Variants in OR1B1 observed in about 807,000 individuals in gnomAD.
The protein encoded by OR1B1 is olfactory receptor 1B1.
For synonymous variants in OR1B1, 168 were observed against 156.2 expected (o/e 1.08, Z -0.57); for missense variants, 414 against 402.1 (o/e 1.03, Z -0.25).
chr9:122,639,161 C>T, the OR1B1 span, among the ~76,000 whole-genome samples: 5 of 152,062 alleles, frequency 3.3e-5, no homozygotes, highest in African/African-American at 9.7e-5. Flanking sequence ...CTTAGGGTAA[C>T]CAACCTTTAG....
the OR1B1 span, among the ~76,000 whole-genome samples, chr9:122,644,351 G>A: frequency 6.6e-6 from 1 of 152,236 alleles, no homozygotes; most frequent in Non-Finnish European, 1.5e-5. Flanking sequence ...GGTAGTGGTG[G>A]CCACAGGAAG....
At chr9:122,628,902 G>A (rs761446363) in exon 1 of OR1B1, 2 of 1,614,152 alleles carry the variant, frequency 1.2e-6, no homozygotes, top group South Asian at 2.2e-5. Context: ...CCCAGCATAA[G>A]GAAGCCACCC....
chr9:122,638,871 G>A, the OR1B1 span, among the ~76,000 whole-genome samples: 7 of 152,128 alleles, frequency 4.6e-5, no homozygotes, highest in Admixed American at 1.3e-4. Flanking sequence ...ACAGAGCTCC[G>A]GAATAGAAGG....
chr9:122,646,785 G>A, the OR1B1 span, among the ~76,000 whole-genome samples: 1 of 152,154 alleles, frequency 6.6e-6, no homozygotes, highest in South Asian at 2.1e-4. Flanking sequence ...TCAGCACACC[G>A]CTATAATTGT....
the OR1B1 span, among the ~76,000 whole-genome samples, chr9:122,655,507 AG>A: frequency 6.6e-6 from 1 of 152,204 alleles, no homozygotes. Flanking sequence ...AGCCATAAAA[AG>A]GAATGAGAAT....
At chr9:122,634,127 G>A (rs929798673), upstream of OR1B1, among the ~76,000 whole-genome samples, 14 of 151,748 alleles carry the variant, frequency 9.2e-5, no homozygotes, top group African/African-American at 2.7e-4. Flanking sequence ...ACCTGAAGTC[G>A]GGAGTTTGAG....
the OR1B1 span, among the ~76,000 whole-genome samples, chr9:122,640,723 A>C: frequency 6.6e-6 from 1 of 152,218 alleles, no homozygotes; most frequent in African/African-American, 2.4e-5. Flanking sequence ...AGAAGAGAGA[A>C]GAGAAGGCAT....
chr9:122,653,764 G>C, the OR1B1 span, among the ~76,000 whole-genome samples: 1 of 152,158 alleles, frequency 6.6e-6, no homozygotes, highest in African/African-American at 2.4e-5. Flanking sequence ...GGGGTTTTAA[G>C]TGGTAAGGAT....
chr9:122,655,635 C>T, the OR1B1 span, among the ~76,000 whole-genome samples: 13 of 125,556 alleles, frequency 1.0e-4, no homozygotes, highest in African/African-American at 3.8e-4. Flanking sequence ...TGGGAGCTGG[C>T]AATGAGAACA....
the OR1B1 span, among the ~76,000 whole-genome samples, chr9:122,655,909 C>T: frequency 1.3e-5 from 2 of 151,672 alleles, no homozygotes; most frequent in Non-Finnish European, 2.9e-5. Flanking sequence ...CAGAACTTTA[C>T]CTAAGTCTTC....
At chr9:122,629,165 C>G (rs139740700) in exon 1 of OR1B1, 1 of 1,613,856 alleles carries the variant, frequency 6.2e-7, no homozygotes, top group Non-Finnish European at 8.5e-7. Flanking sequence ...GGCCACATAG[C>G]GATCCAGAGC....
At chr9:122,629,300 G>A in exon 1 of OR1B1, 1 of 1,614,096 alleles carries the variant, frequency 6.2e-7, no homozygotes, top group Non-Finnish European at 8.5e-7. Flanking sequence ...CTGGGGCAGT[G>A]TAACTGTGGA....
upstream of OR1B1, among the ~76,000 whole-genome samples, chr9:122,633,310 T>G (rs979938284): frequency 2.6e-5 from 4 of 152,192 alleles, no homozygotes; most frequent in Admixed American, 2.0e-4. Flanking sequence ...CAAAATGGAC[T>G]GAAGACCTAA....
chr9:122,628,557 A>G, downstream of OR1B1: 1 of 1,490,304 alleles, frequency 6.7e-7, no homozygotes, highest in South Asian at 1.2e-5. Context: ...TCACCTATTC[A>G]ATATGGCCCA....
the OR1B1 span, among the ~76,000 whole-genome samples, chr9:122,652,702 T>G: frequency 2.0e-5 from 3 of 152,222 alleles, no homozygotes. Context: ...TGTTGTTGTT[T>G]TTTTTTCATC....
chr9:122,628,734 G>T, exon 1 of OR1B1: 2 of 1,614,090 alleles, frequency 1.2e-6, no homozygotes, highest in South Asian at 1.1e-5. Context: ...TGGAAGGGAG[G>T]CTGGAAGTAG....
At chr9:122,655,858 C>T in the OR1B1 span, among the ~76,000 whole-genome samples, 6 of 151,760 alleles carry the variant, frequency 4.0e-5, no homozygotes, top group East Asian at 9.6e-4. Context: ...AAAAAAAAGT[C>T]CTATTTTGTG....
At chr9:122,651,743 C>T in the OR1B1 span, among the ~76,000 whole-genome samples, 1 of 151,970 alleles carries the variant, frequency 6.6e-6, no homozygotes, top group Admixed American at 6.6e-5. Context: ...AAAATAAAAC[C>T]AATTATAACA....
At chr9:122,648,784 G>A in the OR1B1 span, among the ~76,000 whole-genome samples, 11 of 152,156 alleles carry the variant, frequency 7.2e-5, no homozygotes, top group Non-Finnish European at 1.3e-4. Context: ...TTCCATGCTC[G>A]TGGATAGGAA....
Sources: gnomAD v4.1 joint callset for allele counts (sites outside exome capture counted in the v4.1 genomes callset) on GRCh38, gnomAD v4.1.1 for gene constraint, MANE v1.5 for transcripts, NCBI Gene and HGNC (gene_info 2026-07-23, HGNC 2026-07-21) for gene names.